FOXP2: variants seen among roughly 807,000 people sequenced by gnomAD.
FOXP2 encodes forkhead box protein P2.
In FOXP2, 12 loss-of-function variants were observed where a neutral mutation model predicts 115.8. The observed-to-expected ratio is 0.10, with a 90% CI of 0.07 to 0.17. The LOEUF is 0.17. Ranked by LOEUF, FOXP2 falls within the 10% of genes least tolerant of loss-of-function variation. The pLI is 1.00. For missense variants in FOXP2, 629 were observed against 843.5 expected, an observed-to-expected ratio of 0.75 and a Z score of 3.15; for synonymous variants, 328 against 297.7, an observed-to-expected ratio of 1.10 and a Z score of -1.05.
At chr7:114,391,825 A>G (rs543593358) in intron 2 of FOXP2, among the ~76,000 whole-genome samples, 17 of 152,186 alleles carry the variant, frequency 1.1e-4, no homozygotes, top group Non-Finnish European at 2.2e-4. Context: ...TTCAGAATGT[A>G]TGAATGGGAT....
At chr7:114,689,243 C>T (rs377316166) in intron 16 of FOXP2, among the ~76,000 whole-genome samples, 8 of 151,964 alleles carry the variant, frequency 5.3e-5, no homozygotes, top group African/African-American at 1.4e-4. Flanking sequence ...GTAATGAAGA[C>T]GCTTTAGCCC....
chr7:114,559,397 A>T (rs990011990), intron 3 of FOXP2, among the ~76,000 whole-genome samples: 1 of 152,050 alleles, frequency 6.6e-6, no homozygotes, highest in Admixed American at 6.6e-5. Context: ...GATTCTGGAT[A>T]AGAGGTGTCC....
At chr7:114,652,789 A>T (rs1191294335) in intron 9 of FOXP2, among the ~76,000 whole-genome samples, 2 of 152,136 alleles carry the variant, frequency 1.3e-5, no homozygotes, top group African/African-American at 4.8e-5. Flanking sequence ...AAATCTTTAT[A>T]CTTTTCTTTA....
chr7:114,678,826 A>T (rs1478683756), intron 16 of FOXP2, among the ~76,000 whole-genome samples: 1 of 151,888 alleles, frequency 6.6e-6, no homozygotes, highest in Admixed American at 6.6e-5. Flanking sequence ...ATTTGCTTTC[A>T]TTGTTCTTGA....
At chr7:114,433,043 A>G (rs987045430) in intron 2 of FOXP2, among the ~76,000 whole-genome samples, 11 of 152,020 alleles carry the variant, frequency 7.2e-5, no homozygotes, top group Non-Finnish European at 1.6e-4. Flanking sequence ...GAAAAAGAAA[A>G]GTGAAATCTA....
intron 1 of FOXP2, among the ~76,000 whole-genome samples, chr7:114,127,199 A>T (rs941634094): frequency 6.6e-6 from 1 of 152,210 alleles, no homozygotes; most frequent in African/African-American, 2.4e-5. Flanking sequence ...ACTGAATATG[A>T]AAGCCTACTC....
chr7:114,338,161 T>C (rs1233945256), intron 2 of FOXP2, among the ~76,000 whole-genome samples: 1 of 151,118 alleles, frequency 6.6e-6, no homozygotes, highest in Non-Finnish European at 1.5e-5. Context: ...GGAATTTTCT[T>C]TAATTTTAAT....
chr7:114,485,399 T>C (rs1295123373), intron 2 of FOXP2, among the ~76,000 whole-genome samples: 1 of 151,972 alleles, frequency 6.6e-6, no homozygotes, highest in African/African-American at 2.4e-5. Context: ...ACTAATATTA[T>C]GTTTTATTGT....
At chr7:114,594,486 T>C (rs1563022279) in intron 3 of FOXP2, among the ~76,000 whole-genome samples, 1 of 152,064 alleles carries the variant, frequency 6.6e-6, no homozygotes, top group Non-Finnish European at 1.5e-5. Flanking sequence ...CAGGGAAGTA[T>C]ACTGACTGTG....
At chr7:114,338,791 C>A (rs983190918) in intron 2 of FOXP2, among the ~76,000 whole-genome samples, 3 of 149,280 alleles carry the variant, frequency 2.0e-5, no homozygotes, top group African/African-American at 7.4e-5. Flanking sequence ...CATCTACATA[C>A]ATATTTGATG....
intron 1 of FOXP2, among the ~76,000 whole-genome samples, chr7:114,140,551 CAGTAG>C (rs1792177900): frequency 6.6e-6 from 1 of 152,180 alleles, no homozygotes; most frequent in African/African-American, 2.4e-5. Flanking sequence ...ATTTAATCCA[CAGTAG>C]AGTAGTCTGT....
intron 4 of FOXP2, 40 bp downstream of exon 4, chr7:114,628,717 A>C (rs1353796154): frequency 3.1e-6 from 5 of 1,613,312 alleles, no homozygotes; most frequent in Non-Finnish European, 4.2e-6. Context: ...AGCATGACTT[A>C]GAAGGTGTGC....
At chr7:114,677,086 A>G (rs1194284881) in intron 16 of FOXP2, among the ~76,000 whole-genome samples, 1 of 151,714 alleles carries the variant, frequency 6.6e-6, no homozygotes, top group Non-Finnish European at 1.5e-5. Flanking sequence ...GAATCGCTTG[A>G]ACCCTGGAGG....
intron 1 of FOXP2, among the ~76,000 whole-genome samples, chr7:114,216,615 A>G (rs1180602239): frequency 6.6e-6 from 1 of 152,108 alleles, no homozygotes; most frequent in Non-Finnish European, 1.5e-5. Flanking sequence ...TATAGGTGAT[A>G]TTATTTTATA....
chr7:114,374,948 A>G (rs920608357), intron 2 of FOXP2, among the ~76,000 whole-genome samples: 3 of 152,142 alleles, frequency 2.0e-5, no homozygotes, highest in African/African-American at 7.2e-5. Context: ...TTCAATTGAA[A>G]ACGTGAAAAA....
chr7:114,443,444 G>A (rs1003734274), intron 2 of FOXP2, among the ~76,000 whole-genome samples: 42 of 152,022 alleles, frequency 2.8e-4, no homozygotes, highest in Admixed American at 2.6e-3. Flanking sequence ...TTTATTTTAG[G>A]TTCAGGGGTA....
chr7:114,264,634 G>T (rs959192833), intron 1 of FOXP2, among the ~76,000 whole-genome samples: 4 of 152,154 alleles, frequency 2.6e-5, no homozygotes, highest in Admixed American at 6.5e-5. Flanking sequence ...ATTTGGGGGT[G>T]TGTTAGGCTG....
chr7:114,676,960 A>AT (rs1454737899), intron 16 of FOXP2, among the ~76,000 whole-genome samples: 1 of 151,978 alleles, frequency 6.6e-6, no homozygotes, highest in East Asian at 1.9e-4. Context: ...AGGTCAGGAG[A>AT]TTGAGACCAT....
chr7:114,214,784 A>G (rs185608526), intron 1 of FOXP2, among the ~76,000 whole-genome samples: 1 of 152,234 alleles, frequency 6.6e-6, no homozygotes, highest in African/African-American at 2.4e-5. Context: ...TCAGTATGCA[A>G]TTTTTAAGCA....
Sources: gnomAD v4.1 joint callset for allele counts (sites outside exome capture counted in the v4.1 genomes callset) on GRCh38, gnomAD v4.1.1 for gene constraint, MANE v1.5 for transcripts, NCBI Gene and HGNC (gene_info 2026-07-23, HGNC 2026-07-21) for gene names.